Variants in ZNF493 observed in about 807,000 individuals in gnomAD.
ZNF493 encodes zinc finger protein 493.
In ZNF493, 11 loss-of-function variants were observed where a neutral mutation model predicts 12.2. The observed-to-expected ratio is 0.90, with a 90% confidence interval of 0.57 to 1.50. The LOEUF is 1.50. ZNF493 is among the 40% of genes most tolerant of loss of function. The probability of loss-of-function intolerance (pLI) is 0.00; values close to 1 mark genes in which losing one functional copy is unlikely to be tolerated. For missense variants in ZNF493, 950 were observed against 906.6 expected (o/e 1.05, Z -0.61); for synonymous variants, 286 against 302.6 (o/e 0.95, Z 0.57).
intron 3 of ZNF493, among the ~76,000 whole-genome samples, chr19:21,421,221 AC>A (rs1302878825): frequency 7.1e-6 from 1 of 140,400 alleles, no homozygotes; most frequent in Non-Finnish European, 1.6e-5. Flanking sequence ...ATATTTTTTT[AC>A]CTCCCTAATT....
chr19:21,412,374 C>T (rs1421145282), intron 3 of ZNF493: 1 of 152,394 alleles, frequency 6.6e-6, no homozygotes, highest in African/African-American at 2.4e-5. Context: ...CCTGGGTGGG[C>T]CAGGTATTCC....
rs1479322698 is a variant in ZNF493, at chr19:21,424,653, C to G, written c.1994C>G (p.Ala665Gly). 6.2e-7 allele frequency: 1 copy of G among 1,613,246 alleles called. No homozygotes were observed. The highest frequency in any genetic ancestry group is 2.2e-5 in the East Asian group (1 of 44,772). The change falls in exon 4 of 4, where the codon GCC becomes GGC. Residue 665 changes from alanine (A) to glycine (G), a missense_variant. Ala to Gly is a moderately conservative substitution (Grantham distance 60, BLOSUM62 0). Transcript: ENST00000392288. ...KPYKCEECGKAFSIFSTLTKH... is the reference protein window; with the variant it reads ...KPYKCEECGKGFSIFSTLTKH... ...TACAAATGTGAAGAATGTGGCAAAG[C>G]CTTTAGTATATTCTCAACCCTTACT...
chr19:21,400,548 A>G (rs766240283), intron 1 of ZNF493, among the ~76,000 whole-genome samples: 43 of 152,232 alleles, frequency 2.8e-4, no homozygotes, highest in Non-Finnish European at 5.6e-4. Context: ...GGTTGAGCCC[A>G]GTGACTCAGA....
At position 21,425,889 on chromosome 19, in the gene ZNF493, C is replaced by T. The variant is rs759044011; in HGVS notation, c.*905C>T. ...AATGTGGCAAAGCTTTTAACCAGTC[C>T]TCAAACTTTATTGAACAAAATAATT... is the stretch of plus-strand genomic sequence containing the variant. On this transcript the variant is annotated 3_prime_UTR_variant, in exon 4 of 4. Transcript: ENST00000392288. 9 of 609,858 alleles carry T rather than the reference C, an allele frequency of 1.5e-5. No homozygotes were observed. Among genetic ancestry groups the T allele is most frequent in the Admixed American group, 1.2e-4 (6 of 50,594 alleles). 37.8% of individuals were successfully genotyped at this position (609,858 alleles called of 1,614,324 possible).
Position 21,424,524 on chromosome 19 carries a change from T to G in ZNF493, c.1865T>G (p.Ile622Ser). The G allele has an allele frequency of 1.2e-6, 2 of 1,613,240 alleles. No homozygotes were observed. Among genetic ancestry groups the G allele is most frequent in the Non-Finnish European group, 1.7e-6 (2 of 1,179,720 alleles). The change falls in exon 4 of 4, where the codon ATT becomes AGT. Residue 622 changes from isoleucine (I) to serine (S), a missense_variant. Transcript: ENST00000392288. ...RSSILSIHKK[I>S]HTGEKPYKCE... is the part of the protein sequence containing the mutation. ...TCAATCCTTAGTATACATAAGAAAA[T>G]TCATACTGGAGAAAAACCCTACAAA... is the stretch of plus-strand genomic sequence containing the variant.
At chr19:21,414,016 ATTCC>A (rs58236970) in intron 3 of ZNF493, 84,255 of 152,390 alleles carry the variant, frequency 0.55, 23,500 homozygotes, top group Middle Eastern at 0.69. Context: ...TGTGTTTAAT[ATTCC>A]ACACAGAGAA....
intron 3 of ZNF493, among the ~76,000 whole-genome samples, chr19:21,420,667 C>G (rs1215406232): frequency 1.3e-5 from 1 of 79,460 alleles, no homozygotes; most frequent in Non-Finnish European, 2.3e-5. Context: ...AGAACTTTGA[C>G]TATATCACAC....
At chr19:21,410,456 A>G (rs559735676) in intron 3 of ZNF493, among the ~76,000 whole-genome samples, 5 of 152,242 alleles carry the variant, frequency 3.3e-5, no homozygotes, top group Non-Finnish European at 5.9e-5. Context: ...TCTACAAAGT[A>G]TTAATTTTCT....
intron 1 of ZNF493, among the ~76,000 whole-genome samples, chr19:21,402,092 C>G (rs1337361365): frequency 6.6e-6 from 1 of 152,006 alleles, no homozygotes; most frequent in African/African-American, 2.4e-5. Context: ...CTCAGCCTCC[C>G]GAGTAGCTGG....
chr19:21,407,776 CTTAT>C (rs1161406930), intron 3 of ZNF493: 6 of 984,732 alleles, frequency 6.1e-6, no homozygotes, highest in East Asian at 1.1e-4. Context: ...CAACTTTTTA[CTTAT>C]TTGTCTTCAG....
chr19:21,416,606 C>A (rs1369896935), intron 3 of ZNF493, among the ~76,000 whole-genome samples: 4 of 152,138 alleles, frequency 2.6e-5, no homozygotes, highest in Non-Finnish European at 5.9e-5. Context: ...ATAGTTATGT[C>A]ACAGGTAGGA....
chr19:21,422,668 T>C (rs1215582800), intron 3 of ZNF493, among the ~76,000 whole-genome samples: 2 of 151,984 alleles, frequency 1.3e-5, no homozygotes, highest in Non-Finnish European at 2.9e-5. Context: ...GTAACAAACA[T>C]TTGCTTTTCC....
At chr19:21,411,767 A>T (rs1336794004) in intron 3 of ZNF493, among the ~76,000 whole-genome samples, 5 of 144,774 alleles carry the variant, frequency 3.5e-5, no homozygotes, top group African/African-American at 1.3e-4. Flanking sequence ...TGCTATTGTA[A>T]TTTTTTTTTT....
At chr19:21,410,117 T>G (rs1455123073) in intron 3 of ZNF493, among the ~76,000 whole-genome samples, 1 of 149,670 alleles carries the variant, frequency 6.7e-6, no homozygotes, top group African/African-American at 2.4e-5. Flanking sequence ...TGTTTATAAA[T>G]CAAGAGACAT....
Position 21,425,213 on chromosome 19 carries a change from T to A in ZNF493, c.*229T>A. On this transcript the variant is annotated 3_prime_UTR_variant, in exon 4 of 4. Transcript: ENST00000392288. ...GATGTGAAGAATGTGGCAAAGGCTTTAATTAGTTCTCATCCCTTACTAAAC... is the reference window on the plus strand; with the variant it reads ...GATGTGAAGAATGTGGCAAAGGCTTAAATTAGTTCTCATCCCTTACTAAAC... 2 of 601,628 alleles carry A rather than the reference T, an allele frequency of 3.3e-6. No homozygotes were observed. The highest frequency in any genetic ancestry group is 6.0e-6 in the Non-Finnish European group (2 of 332,340). The allele number at this position is 601,628 out of a possible 1,614,324, so 37.3% of individuals were successfully genotyped here. A position where few individuals can be genotyped will look rare whatever the true frequency, so the allele number is the denominator to read the frequency against.
intron 3 of ZNF493, among the ~76,000 whole-genome samples, chr19:21,419,358 A>T (rs1029265882): frequency 6.6e-6 from 1 of 152,072 alleles, no homozygotes; most frequent in Non-Finnish European, 1.5e-5. Flanking sequence ...GAGGGACAAA[A>T]CTAATAGGAT....
intron 1 of ZNF493, among the ~76,000 whole-genome samples, chr19:21,402,132 TA>T (rs1395364429): frequency 6.6e-6 from 1 of 151,708 alleles, no homozygotes; most frequent in Non-Finnish European, 1.5e-5. Flanking sequence ...CACGACCGGC[TA>T]ATTTTTTGTA....
chr19:21,404,382 T>G (rs1048614184), intron 1 of ZNF493, among the ~76,000 whole-genome samples: 3 of 152,246 alleles, frequency 2.0e-5, no homozygotes, highest in African/African-American at 7.2e-5. Flanking sequence ...ATTTTAAAAT[T>G]TACTTAAAAG....
intron 3 of ZNF493, among the ~76,000 whole-genome samples, chr19:21,409,585 A>G (rs1325043284): frequency 6.6e-6 from 1 of 152,032 alleles, no homozygotes; most frequent in Non-Finnish European, 1.5e-5. Context: ...CTTTACAAAA[A>G]TTTTTTAAAA....
Sources: allele counts gnomAD v4.1 joint callset (sites outside exome capture counted in the v4.1 genomes callset), GRCh38; gene constraint gnomAD v4.1.1; transcripts MANE v1.5; gene names NCBI Gene and HGNC (gene_info 2026-07-23, HGNC 2026-07-21).